The following VAV2 variants were observed in gnomAD, a reference collection of about 807,000 sequenced individuals.
VAV2 encodes vav guanine nucleotide exchange factor 2.
VAV2 carries 67 observed loss-of-function variants against 132.5 expected under a neutral mutation model. The observed-to-expected ratio is 0.51, with a 90% CI of 0.42 to 0.62. VAV2 has a LOEUF of 0.62. VAV2 is among the 20% of genes least tolerant of loss of function. The probability of loss-of-function intolerance (pLI) is 0.00; values close to 1 mark genes in which losing one functional copy is unlikely to be tolerated. For missense variants in VAV2, 938 were observed against 1,153.6 expected, an observed-to-expected ratio of 0.81 and a Z score of 2.71; for synonymous variants, 492 against 443.5, an observed-to-expected ratio of 1.11 and a Z score of -1.37.
At chr9:133,782,511 G>A (rs1432286898) in intron 19 of VAV2, among the ~76,000 whole-genome samples, 1 of 152,192 alleles carries the variant, frequency 6.6e-6, no homozygotes, top group African/African-American at 2.4e-5. Context: ...CTCTCCCCAG[G>A]TTAGGGTACT....
At chr9:133,861,299 T>A (rs1837583723) in intron 3 of VAV2, 75 bp downstream of exon 3, 4 of 1,490,826 alleles carry the variant, frequency 2.7e-6, no homozygotes, top group Non-Finnish European at 2.7e-6. Context: ...CCAACCCCAG[T>A]ATCTGTGACA....
At chr9:133,862,933 T>A (rs904940475) in intron 2 of VAV2, among the ~76,000 whole-genome samples, 1 of 152,206 alleles carries the variant, frequency 6.6e-6, no homozygotes, top group Non-Finnish European at 1.5e-5. Context: ...GAGTGCTGCC[T>A]TCCTGTACGT....
chr9:133,900,025 A>T lies in VAV2; in HGVS notation c.322-38593T>A, dbSNP rs572580908. Among the ~76,000 whole-genome samples, 54 of 138,004 alleles carry T rather than the reference A, an allele frequency of 3.9e-4. 1 individual carries two copies. The highest frequency in any genetic ancestry group is 1.3e-3 in the African/African-American group (50 of 39,080). The allele number at this position is 138,004 out of a possible 152,430, so 90.5% of individuals were successfully genotyped here. On this transcript the variant is annotated intron_variant, in intron 2 of 29. Transcript: ENST00000371850. Reference sequence around the variant, plus strand: ...GACAGAGCAAGACTCCATCTCAAAAAAAATAAATAAATAAATAAATAAAAA... The same window carrying T: ...GACAGAGCAAGACTCCATCTCAAAATAAATAAATAAATAAATAAATAAAAA...
chr9:133,946,855 C>G (rs1841377960), intron 1 of VAV2, among the ~76,000 whole-genome samples: 1 of 152,196 alleles, frequency 6.6e-6, no homozygotes, highest in Non-Finnish European at 1.5e-5. Flanking sequence ...GGTAGATAAA[C>G]AGGTGACCCT....
chr9:133,895,127 G>C (rs1186702491), intron 2 of VAV2, among the ~76,000 whole-genome samples: 2 of 152,172 alleles, frequency 1.3e-5, no homozygotes, highest in Non-Finnish European at 2.9e-5. Context: ...ACCAGCACAA[G>C]GGGCAGGGGA....
At chr9:133,894,238 G>A (rs1299946893) in intron 2 of VAV2, among the ~76,000 whole-genome samples, 1 of 152,264 alleles carries the variant, frequency 6.6e-6, no homozygotes, top group Non-Finnish European at 1.5e-5. Context: ...CCTTTCCCAA[G>A]GATGGGGGAG....
At chr9:133,855,237 G>T (rs1475833776) in intron 3 of VAV2, among the ~76,000 whole-genome samples, 1 of 152,264 alleles carries the variant, frequency 6.6e-6, no homozygotes, top group East Asian at 1.9e-4. Flanking sequence ...TTGGCTCACA[G>T]TGTGCAGAGA....
intron 2 of VAV2, among the ~76,000 whole-genome samples, chr9:133,930,381 G>GCTGCCTCCTGGCCTCCCCC (rs1588386534): frequency 6.7e-6 from 1 of 148,316 alleles, no homozygotes; most frequent in Admixed American, 6.6e-5. Context: ...CTGCCTCCTT[G>GCTGCCTCCTGGCCTCCCCC]CTGCCTCCTG....
At position 133,763,705 on chromosome 9, in the gene VAV2, A is replaced by G; in HGVS notation, c.*357T>C. 1 of 305,020 alleles carries G rather than the reference A, an allele frequency of 3.3e-6. No homozygotes were observed. Among genetic ancestry groups the G allele is most frequent in the Non-Finnish European group, 6.3e-6 (1 of 158,864 alleles). 18.9% of individuals were successfully genotyped at this position (305,020 alleles called of 1,614,324 possible). A position where few individuals can be genotyped will look rare whatever the true frequency, so the allele number is the denominator to read the frequency against. The stretch of plus-strand genomic sequence containing the variant: ...TTCCTGGGACAGCATCTGCTGTTCA[A>G]ACCTAGGCTCCTGAAGGCCATCTCA... On this transcript the variant is annotated 3_prime_UTR_variant, in exon 30 of 30. Coordinates refer to ENST00000371850, the MANE Select transcript of VAV2 (RefSeq NM_001134398.2). This position sits in a 1 kb window ranked among gnomAD's most constrained non-coding sequence, Gnocchi z 6.8.
At chr9:133,902,012 C>T (rs1354311358) in intron 2 of VAV2, among the ~76,000 whole-genome samples, 1 of 152,154 alleles carries the variant, frequency 6.6e-6, no homozygotes, top group East Asian at 1.9e-4. Context: ...TCTGTGGATG[C>T]TCCGAGCCTC....
chr9:133,762,750 C>T lies in VAV2; in HGVS notation c.*1312G>A, dbSNP rs998583303. 1.3e-5 allele frequency: 2 copies of T among 152,670 alleles called. No homozygotes were observed. The highest frequency in any genetic ancestry group is 2.4e-5 in the African/African-American group (1 of 41,460). The allele number at this position is 152,670 out of a possible 1,614,324, so 9.5% of individuals were successfully genotyped here. A position where few individuals can be genotyped will look rare whatever the true frequency, so the allele number is the denominator to read the frequency against. On this transcript the variant is annotated 3_prime_UTR_variant, in exon 30 of 30. Transcript: ENST00000371850. The surrounding 1 kb of genome is among the most constrained non-coding windows in gnomAD (Gnocchi z 5.0). ...CCACAAGGCCAACCTCAGAAGGAGC[C>T]CCTAGGTCCCCAGCGCCACCCACAG...
chr9:133,787,638 G>A (rs112505612), intron 15 of VAV2, among the ~76,000 whole-genome samples: 4 of 127,214 alleles, frequency 3.1e-5, no homozygotes, highest in South Asian at 2.3e-4. Context: ...GGCTGCACAC[G>A]GTAGCTGCTC....
intron 2 of VAV2, chr9:133,927,718 C>T (rs1029555396): frequency 2.3e-4 from 35 of 152,510 alleles, no homozygotes; most frequent in African/African-American, 7.9e-4. Flanking sequence ...TATAAAAAGC[C>T]AACAGTAATG....
rs551725074 is a variant in VAV2, at chr9:133,784,461, C to A, written c.1533-43G>T. On this transcript the variant is annotated intron_variant, in intron 17 of 29. Transcript: ENST00000371850. ...GAGCAGATGCTACACCCACTGGATT[C>A]CCCGAGCCCCACCATGTGGCCATCC... 3.1e-6 allele frequency: 5 copies of A among 1,606,176 alleles called. No individual in the cohort carries two copies. The African/African-American group carries it at 5.3e-5, about 17-fold the overall frequency.
intron 3 of VAV2, among the ~76,000 whole-genome samples, chr9:133,836,759 GA>G (rs1372942501): frequency 6.6e-6 from 1 of 152,178 alleles, no homozygotes; most frequent in Admixed American, 6.5e-5. Context: ...TGTACTTCTA[GA>G]ACCCGCCCTG....
At chr9:133,821,703 C>G (rs956077834) in intron 4 of VAV2, among the ~76,000 whole-genome samples, 5 of 152,206 alleles carry the variant, frequency 3.3e-5, no homozygotes, top group African/African-American at 1.2e-4. Flanking sequence ...TGCGTTAGTT[C>G]CTGCTCAGCT....
chr9:133,772,530 C>T (rs1366641045), intron 25 of VAV2, among the ~76,000 whole-genome samples: 4 of 151,974 alleles, frequency 2.6e-5, no homozygotes, highest in Admixed American at 6.6e-5. Context: ...AGACACTAAC[C>T]TCCTTCTGTC....
At chr9:133,868,237 G>A (rs1282392601) in intron 2 of VAV2, among the ~76,000 whole-genome samples, 1 of 152,238 alleles carries the variant, frequency 6.6e-6, no homozygotes, top group Non-Finnish European at 1.5e-5. Flanking sequence ...TCGGGTCTGT[G>A]TGGCAACACG....
chr9:133,785,560 G>A (rs1481449623), intron 17 of VAV2, among the ~76,000 whole-genome samples: 1 of 152,174 alleles, frequency 6.6e-6, no homozygotes, highest in Admixed American at 6.5e-5. Context: ...TGTGGCAGAG[G>A]GAGAGCCCTC....
Sources: allele counts gnomAD v4.1 joint callset (sites outside exome capture counted in the v4.1 genomes callset), GRCh38; gene constraint gnomAD v4.1.1; non-coding constraint Gnocchi (gnomAD v3.1); transcripts MANE v1.5; gene names NCBI Gene and HGNC (gene_info 2026-07-23, HGNC 2026-07-21).